Variants in NRXN3 observed in about 807,000 individuals in gnomAD.
The protein encoded by NRXN3 is neurexin 3.
In NRXN3, 32 loss-of-function variants were observed where a neutral mutation model predicts 137.6. The observed-to-expected ratio is 0.23, with a 90% CI of 0.18 to 0.31. The LOEUF (loss-of-function observed/expected upper bound fraction) is 0.31, where lower values mean the gene tolerates loss of function less well. Among genes scored for constraint, NRXN3 ranks in the 10% least tolerant of loss-of-function variants. The pLI, the probability that NRXN3 is intolerant of heterozygous loss-of-function variation, is 1.00. For synonymous variants in NRXN3, 798 were observed against 784.5 expected, an observed-to-expected ratio of 1.02 and a Z score of -0.29; for missense variants, 1,574 against 2,062.5, an observed-to-expected ratio of 0.76 and a Z score of 4.59.
At chr14:79,667,242 A>T (rs1041731896) in intron 17 of NRXN3, among the ~76,000 whole-genome samples, 3 of 152,098 alleles carry the variant, frequency 2.0e-5, no homozygotes, top group African/African-American at 4.8e-5. Flanking sequence ...CTATTTTATT[A>T]TTTTATCAAT....
At chr14:78,195,228 C>T (rs979957526) in intron 1 of NRXN3, among the ~76,000 whole-genome samples, 2 of 152,192 alleles carry the variant, frequency 1.3e-5, no homozygotes, top group Non-Finnish European at 2.9e-5. Context: ...AGGCACTGTG[C>T]TAGGCATTGT....
intron 17 of NRXN3, among the ~76,000 whole-genome samples, chr14:79,671,392 C>T (rs1382140375): frequency 6.6e-6 from 1 of 151,996 alleles, no homozygotes; most frequent in Non-Finnish European, 1.5e-5. Flanking sequence ...ATAGAATTCC[C>T]CCCTCAGGTT....
intron 19 of NRXN3, among the ~76,000 whole-genome samples, chr14:79,733,351 G>A (rs977140667): frequency 1.3e-5 from 2 of 152,106 alleles, no homozygotes; most frequent in Non-Finnish European, 2.9e-5. Context: ...TCCCAATTTG[G>A]TTTTCTTAAG....
At chr14:78,279,013 T>A (rs931598925) in intron 3 of NRXN3, among the ~76,000 whole-genome samples, 6 of 152,226 alleles carry the variant, frequency 3.9e-5, no homozygotes, top group Admixed American at 2.6e-4. Context: ...TTCACACATC[T>A]GCTTATCTTC....
intron 1 of NRXN3, among the ~76,000 whole-genome samples, chr14:78,194,038 T>C (rs575202535): frequency 6.6e-6 from 1 of 152,316 alleles, no homozygotes; most frequent in East Asian, 1.9e-4. Context: ...AAGGGGGCTG[T>C]GTCTATACTC....
chr14:78,319,017 A>C lies in NRXN3; in HGVS notation c.757+21157A>C, dbSNP rs149391033. Reference sequence around the variant, plus strand: ...TTTAACAAACTCCCAAGGGATGTCCATGATGTTGCTGGTATGTGGACCATT... The same window carrying C: ...TTTAACAAACTCCCAAGGGATGTCCCTGATGTTGCTGGTATGTGGACCATT... On this transcript the variant is annotated intron_variant, in intron 4 of 20. Coordinates refer to ENST00000335750, the MANE Select transcript of NRXN3 (RefSeq NM_001330195.2). Among the ~76,000 whole-genome samples the C allele has an allele frequency of 3.9e-5, 6 of 152,338 alleles. No individual in the cohort carries two copies. The East Asian group carries it at 9.6e-4, about 24-fold the overall frequency.
chr14:79,413,312 G>T (rs866096268), intron 15 of NRXN3, among the ~76,000 whole-genome samples: 21 of 152,212 alleles, frequency 1.4e-4, no homozygotes, highest in African/African-American at 4.3e-4. Flanking sequence ...AGTGTTGGAG[G>T]CTGCACAAGT....
At chr14:79,158,174 A>G (rs1045160036) in intron 15 of NRXN3, among the ~76,000 whole-genome samples, 1 of 151,694 alleles carries the variant, frequency 6.6e-6, no homozygotes, top group Non-Finnish European at 1.5e-5. Flanking sequence ...CCCTGTGTAT[A>G]CTCTCTTTCA....
chr14:78,282,973 C>T (rs557842336), intron 3 of NRXN3: 1 of 152,224 alleles, frequency 6.6e-6, no homozygotes. Context: ...TAGGTGTATA[C>T]TCATTAAAGT....
At chr14:79,422,844 C>T (rs571808714) in intron 15 of NRXN3, among the ~76,000 whole-genome samples, 4 of 151,912 alleles carry the variant, frequency 2.6e-5, no homozygotes, top group Non-Finnish European at 5.9e-5. Context: ...GGACTACAGG[C>T]GCCCTCCACC....
rs1399289851 is a variant in NRXN3, at chr14:79,160,113, G to A, written c.3262+171972G>A. ...TTTTCCTCCTCAGCACTAAATCTTT[G>A]CTGCAATACTCCTTCTTCAGAGGTG... is the stretch of plus-strand genomic sequence containing the variant. On this transcript the variant is annotated intron_variant, in intron 15 of 20. Transcript: ENST00000335750. Among the ~76,000 whole-genome samples, 6 of 151,918 alleles carry A rather than the reference G, an allele frequency of 3.9e-5. No homozygotes were observed. In the East Asian group the frequency reaches 1.2e-3, roughly 30 times the overall value.
intron 19 of NRXN3, among the ~76,000 whole-genome samples, chr14:79,742,928 A>C (rs1246218136): frequency 1.3e-5 from 2 of 152,218 alleles, no homozygotes; most frequent in African/African-American, 4.8e-5. Flanking sequence ...AAAAAACTAA[A>C]GCACAAAGAA....
intron 10 of NRXN3, among the ~76,000 whole-genome samples, chr14:78,859,208 T>C (rs969565606): frequency 6.6e-6 from 1 of 152,140 alleles, no homozygotes; most frequent in Non-Finnish European, 1.5e-5. Flanking sequence ...CCTTCCACCA[T>C]GATTGTAAGT....
intron 15 of NRXN3, among the ~76,000 whole-genome samples, chr14:79,202,098 A>G (rs545448283): frequency 4.8e-4 from 73 of 150,772 alleles, no homozygotes; most frequent in African/African-American, 1.3e-3. Flanking sequence ...TCCTCAATCA[A>G]TTGAGGTTTT....
intron 19 of NRXN3, among the ~76,000 whole-genome samples, chr14:79,782,462 A>C (rs8018724): frequency 0.52 from 79,325 of 151,950 alleles, 21,257 homozygotes; most frequent in Middle Eastern, 0.65. Context: ...ATACAAATGA[A>C]AAGTATGGTT....
intron 19 of NRXN3, among the ~76,000 whole-genome samples, chr14:79,768,767 G>A (rs1425323655): frequency 6.6e-6 from 1 of 152,202 alleles, no homozygotes; most frequent in Non-Finnish European, 1.5e-5. Context: ...AACAAAGCTG[G>A]ACAGAGAATG....
rs564389696 is a variant in NRXN3 at position 78,491,393 on chromosome 14, G to A, written c.758-153727G>A. ...CAGAGGGAGTTGGGGCAGGGGATGC[G>A]CTCTTTGTCTTCTCTGAATGAAGCG... On this transcript the variant is annotated intron_variant, in intron 4 of 20. Transcript: ENST00000335750. Among the ~76,000 whole-genome samples the A allele has an allele frequency of 1.0e-3, 154 of 152,268 alleles. 1 individual carries two copies. The highest frequency in any genetic ancestry group is 8.7e-3 in the South Asian group (42 of 4,822).
chr14:79,090,803 G>A (rs2049017854), intron 15 of NRXN3, among the ~76,000 whole-genome samples: 2 of 152,122 alleles, frequency 1.3e-5, no homozygotes, highest in Admixed American at 1.3e-4. Context: ...CCATAGCACT[G>A]CCTAAACATA....
intron 4 of NRXN3, among the ~76,000 whole-genome samples, chr14:78,625,334 C>A (rs1343967937): frequency 2.0e-5 from 3 of 152,214 alleles, no homozygotes; most frequent in Admixed American, 1.3e-4. Context: ...TCCCAACTCA[C>A]CATACCCAAA....
Sources: gnomAD v4.1 joint callset for allele counts (sites outside exome capture counted in the v4.1 genomes callset) on GRCh38, gnomAD v4.1.1 for gene constraint, MANE v1.5 for transcripts, NCBI Gene and HGNC (gene_info 2026-07-23, HGNC 2026-07-21) for gene names.